Variants in TRAPPC13 observed in about 807,000 individuals in gnomAD.
TRAPPC13 encodes the protein trafficking protein particle complex subunit 13.
TRAPPC13 carries 39 observed loss-of-function variants against 54.0 expected under a neutral mutation model. The observed-to-expected ratio is 0.72, with a 90% CI of 0.56 to 0.94. The LOEUF (loss-of-function observed/expected upper bound fraction) is 0.94. Among genes scored for constraint, TRAPPC13 ranks in the 40% least tolerant of loss-of-function variants. The probability of loss-of-function intolerance (pLI) is 0.00; values close to 1 mark genes in which losing one functional copy is unlikely to be tolerated. For missense variants in TRAPPC13, 386 were observed against 488.1 expected (o/e 0.79, Z 1.97); for synonymous variants, 148 against 167.7 (o/e 0.88, Z 0.91).
intron 1 of TRAPPC13, among the ~76,000 whole-genome samples, chr5:65,628,830 T>C (rs947699622): frequency 6.6e-6 from 1 of 152,024 alleles, no homozygotes; most frequent in Non-Finnish European, 1.5e-5. Context: ...TAGAATTTTT[T>C]TTTTTTTTAA....
chr5:65,636,579 T>A (rs1755759121), intron 3 of TRAPPC13, among the ~76,000 whole-genome samples: 1 of 152,212 alleles, frequency 6.6e-6, no homozygotes, highest in African/African-American at 2.4e-5. Context: ...TTTAACTTTC[T>A]TCTTTAGATC....
chr5:65,629,116 A>G (rs975842742), intron 1 of TRAPPC13, among the ~76,000 whole-genome samples: 1 of 152,240 alleles, frequency 6.6e-6, no homozygotes, highest in Admixed American at 6.5e-5. Context: ...TATGAAAACA[A>G]TATTTTAAGA....
intron 4 of TRAPPC13, among the ~76,000 whole-genome samples, chr5:65,638,570 T>G (rs1403977571): frequency 6.6e-6 from 1 of 152,136 alleles, no homozygotes; most frequent in Non-Finnish European, 1.5e-5. Context: ...GTCCGTAAGG[T>G]GGTACAGAGG....
chr5:65,637,473 T>C (rs777435354), intron 3 of TRAPPC13, among the ~76,000 whole-genome samples: 5 of 151,730 alleles, frequency 3.3e-5, no homozygotes, highest in Admixed American at 6.6e-5. Context: ...CTACTAAAAA[T>C]ACAAAAAATT....
At chr5:65,659,451 A>G in intron 9 of TRAPPC13, among the ~76,000 whole-genome samples, 1 of 152,210 alleles carries the variant, frequency 6.6e-6, no homozygotes, top group Non-Finnish European at 1.5e-5. Context: ...AGTGAGGTAA[A>G]TATGAATCCT....
chr5:65,662,831 A>G (rs1756891539), intron 11 of TRAPPC13: 1 of 152,138 alleles, frequency 6.6e-6, no homozygotes, highest in Non-Finnish European at 1.5e-5. Context: ...GATAGGAAAT[A>G]TTTATCCTTC....
chr5:65,658,653 A>C (rs1756737292), intron 9 of TRAPPC13, among the ~76,000 whole-genome samples, 152 bp downstream of exon 9: 1 of 151,814 alleles, frequency 6.6e-6, no homozygotes. Context: ...GAGTTTCCAC[A>C]TACCCTCTTC....
At chr5:65,629,955 A>AG in intron 1 of TRAPPC13, 1 of 1,536,132 alleles carries the variant, frequency 6.5e-7, no homozygotes, top group Non-Finnish European at 8.7e-7. Flanking sequence ...CAATCAGAAA[A>AG]GGGAAAACAG....
chr5:65,663,954 A>G (rs1756931547), intron 11 of TRAPPC13: 2 of 316,310 alleles, frequency 6.3e-6, no homozygotes, highest in East Asian at 1.2e-4. Flanking sequence ...TGGTAGCACC[A>G]GATCAGCACC....
intron 9 of TRAPPC13, among the ~76,000 whole-genome samples, chr5:65,659,439 C>G (rs1000131004): frequency 6.6e-6 from 1 of 152,026 alleles, no homozygotes; most frequent in African/African-American, 2.4e-5. Context: ...TCATAAAAAT[C>G]CAGTGAGGTA....
At chr5:65,644,231 G>GT (rs1756094074) in intron 4 of TRAPPC13, among the ~76,000 whole-genome samples, 1 of 151,986 alleles carries the variant, frequency 6.6e-6, no homozygotes, top group African/African-American at 2.4e-5. Flanking sequence ...CTGATTCCAA[G>GT]TAGACCCTTT....
chr5:65,625,377 G>T (rs1030385384), intron 1 of TRAPPC13: 5 of 428,144 alleles, frequency 1.2e-5, no homozygotes, highest in South Asian at 4.4e-5. Flanking sequence ...CTGACGTCCC[G>T]CTCCTACCGT....
chr5:65,638,760 G>A (rs1025241123), intron 4 of TRAPPC13, among the ~76,000 whole-genome samples: 1 of 152,196 alleles, frequency 6.6e-6, no homozygotes, highest in Non-Finnish European at 1.5e-5. Flanking sequence ...AAGAGAGAGA[G>A]CTTGTGCGGG....
rs532414466 is a variant in TRAPPC13 at position 65,632,774 on chromosome 5, ACTT to A, written c.47-2525_47-2523del. 1.6e-4 allele frequency among the ~76,000 whole-genome samples: 25 copies of A among 152,348 alleles called. No individual in the cohort carries two copies. In the South Asian group the frequency reaches 5.0e-3, roughly 30 times the overall value. On this transcript the variant is annotated intron_variant, in intron 1 of 12. Transcript: ENST00000399438. ...CAGTAAATGCTAGCTATACAGAGTA[ACTT>A]CAGAAATTTTAAGGGTAGCATTTGT...
At chr5:65,630,697 A>G (rs1312029028) in intron 1 of TRAPPC13, 18 of 991,460 alleles carry the variant, frequency 1.8e-5, no homozygotes, top group Non-Finnish European at 2.2e-5. Context: ...AAAACTCGAA[A>G]CAATTCTCTT....
At chr5:65,640,590 A>G (rs1459946290) in intron 4 of TRAPPC13, among the ~76,000 whole-genome samples, 1 of 152,228 alleles carries the variant, frequency 6.6e-6, no homozygotes, top group Non-Finnish European at 1.5e-5. Flanking sequence ...TTCGATTGTG[A>G]AAAGATCTGA....
intron 5 of TRAPPC13, among the ~76,000 whole-genome samples, chr5:65,649,450 A>T (rs1188457303): frequency 6.6e-6 from 1 of 152,228 alleles, no homozygotes; most frequent in Admixed American, 6.5e-5. Context: ...AACCACTAGC[A>T]GGGTAGAAAG....
At chr5:65,628,003 A>C (rs1755328575) in intron 1 of TRAPPC13, among the ~76,000 whole-genome samples, 1 of 152,150 alleles carries the variant, frequency 6.6e-6, no homozygotes, top group Non-Finnish European at 1.5e-5. Flanking sequence ...TTCTCTAATG[A>C]TTTTTGGGGA....
intron 4 of TRAPPC13, among the ~76,000 whole-genome samples, chr5:65,642,556 C>T (rs1244561800): frequency 6.6e-6 from 1 of 152,020 alleles, no homozygotes; most frequent in Non-Finnish European, 1.5e-5. Flanking sequence ...CATTTTTTAG[C>T]TAGGAATTTT....
Sources: gnomAD v4.1 joint callset for allele counts (sites outside exome capture counted in the v4.1 genomes callset) on GRCh38, gnomAD v4.1.1 for gene constraint, MANE v1.5 for transcripts, NCBI Gene and HGNC (gene_info 2026-07-23, HGNC 2026-07-21) for gene names.